Variants in UXS1 observed in about 807,000 individuals in gnomAD.
UXS1 encodes the protein UDP-glucuronic acid decarboxylase 1.
In UXS1, 33 loss-of-function variants were observed where a neutral mutation model predicts 62.6. The observed-to-expected ratio is 0.53, with a 90% CI of 0.40 to 0.70. The LOEUF is 0.70. Ranked by LOEUF, UXS1 falls within the 30% of genes least tolerant of loss-of-function variation. The probability of loss-of-function intolerance (pLI) is 0.00; values close to 1 mark genes in which losing one functional copy is unlikely to be tolerated. For missense variants in UXS1, 434 were observed against 556.3 expected (o/e 0.78, Z 2.21); for synonymous variants, 213 against 206.8 (o/e 1.03, Z -0.26).
At chr2:106,190,399 C>G (rs1684841664) in intron 1 of UXS1, among the ~76,000 whole-genome samples, 1 of 152,104 alleles carries the variant, frequency 6.6e-6, no homozygotes, top group Non-Finnish European at 1.5e-5. Context: ...ATCAGGAAGC[C>G]AGGTGATTCA....
chr2:106,174,894 C>T (rs1350172933), intron 1 of UXS1, among the ~76,000 whole-genome samples: 1 of 152,244 alleles, frequency 6.6e-6, no homozygotes, highest in Non-Finnish European at 1.5e-5. Flanking sequence ...AGTTAGGCCT[C>T]AGTCCAAGGC....
chr2:106,170,879 T>C (rs975082937), intron 1 of UXS1, among the ~76,000 whole-genome samples: 4 of 152,258 alleles, frequency 2.6e-5, no homozygotes, highest in African/African-American at 9.6e-5. Flanking sequence ...TGACCCACCT[T>C]ACGGTGCTTC....
chr2:106,098,044 T>C (rs1558670135), intron 13 of UXS1, among the ~76,000 whole-genome samples: 1 of 152,234 alleles, frequency 6.6e-6, no homozygotes, highest in Non-Finnish European at 1.5e-5. Context: ...GGACACACTG[T>C]GGCATACTCC....
intron 5 of UXS1, among the ~76,000 whole-genome samples, chr2:106,154,780 A>C (rs1682303466): frequency 6.6e-6 from 1 of 152,226 alleles, no homozygotes; most frequent in African/African-American, 2.4e-5. Flanking sequence ...AGTATGATTA[A>C]CTGCTGGCTC....
intron 6 of UXS1, among the ~76,000 whole-genome samples, chr2:106,143,939 T>C (rs750240809): frequency 6.6e-6 from 1 of 152,232 alleles, no homozygotes; most frequent in Non-Finnish European, 1.5e-5. Context: ...TGACGGTTCA[T>C]GTGACTATGT....
At chr2:106,157,030 AC>A (rs1018761646) in intron 5 of UXS1, among the ~76,000 whole-genome samples, 10 of 152,322 alleles carry the variant, frequency 6.6e-5, no homozygotes, top group African/African-American at 2.4e-4. Context: ...TATATAAAAT[AC>A]CCAGAATTGG....
At chr2:106,138,388 C>T (rs192454109) in intron 6 of UXS1, 7 of 985,556 alleles carry the variant, frequency 7.1e-6, no homozygotes, top group Admixed American at 6.1e-5. Context: ...AAGATGCAGG[C>T]CTTTCCCTTC....
intron 7 of UXS1, 52 bp from the exon 8 acceptor site, chr2:106,125,731 C>G: frequency 2.7e-6 from 4 of 1,479,538 alleles, no homozygotes; most frequent in Non-Finnish European, 3.6e-6. Context: ...TGTGCAGGCA[C>G]ATTTTTTGCT....
At chr2:106,146,712 G>A (rs997051719) in intron 5 of UXS1, among the ~76,000 whole-genome samples, 8 of 140,818 alleles carry the variant, frequency 5.7e-5, no homozygotes, top group African/African-American at 1.6e-4. Flanking sequence ...CCCAGGAGGC[G>A]GAAGTTGCAG....
intron 6 of UXS1, among the ~76,000 whole-genome samples, chr2:106,130,284 G>A (rs1192763888): frequency 1.3e-5 from 2 of 152,150 alleles, no homozygotes; most frequent in South Asian, 4.1e-4. Context: ...TTAAAGCCAT[G>A]AATGGCAAAG....
rs541678315 is a variant in UXS1, at chr2:106,129,153, C to T, written c.577+521G>A. 9.2e-5 allele frequency among the ~76,000 whole-genome samples: 14 copies of T among 152,258 alleles called. No homozygotes were observed. The South Asian group carries it at 2.5e-3, about 27-fold the overall frequency. ...TCGTCCATCTTTTACTAATGCGAAC[C>T]CTGAAGTCCAATCTAGGGCAGGTAC... On this transcript the variant is annotated intron_variant, in intron 7 of 14. Coordinates refer to ENST00000283148, the MANE Select transcript of UXS1 (RefSeq NM_001253875.2).
chr2:106,126,676 AT>A (rs1195233053), intron 7 of UXS1, among the ~76,000 whole-genome samples: 1 of 152,168 alleles, frequency 6.6e-6, no homozygotes, highest in Non-Finnish European at 1.5e-5. Context: ...TTTTTGAGAT[AT>A]TTGTACATTC....
chr2:106,099,647 G>A (rs1323801816), intron 12 of UXS1, among the ~76,000 whole-genome samples: 1 of 152,164 alleles, frequency 6.6e-6, no homozygotes, highest in African/African-American at 2.4e-5. Context: ...GAGGGAAGGA[G>A]GAACATGGTA....
Position 106,104,677 on chromosome 2 carries a change from A to G in UXS1, c.923+117T>C. 6 of 1,277,730 alleles carry G rather than the reference A, an allele frequency of 4.7e-6. No individual in the cohort carries two copies. In the Admixed American group the frequency reaches 1.2e-4, roughly 25 times the overall value. 79.1% of individuals were successfully genotyped at this position (1,277,730 alleles called of 1,614,324 possible). On this transcript the variant is annotated intron_variant, in intron 11 of 14. Transcript: ENST00000283148. Reference sequence around the variant, plus strand: ...AAAATTAAAAATTTTTAATCAATATATAGTGTTAGCGTTGTGGAAATGGTT... The same window carrying G: ...AAAATTAAAAATTTTTAATCAATATGTAGTGTTAGCGTTGTGGAAATGGTT...
chr2:106,128,999 G>C (rs915942034), intron 7 of UXS1, among the ~76,000 whole-genome samples: 2 of 151,888 alleles, frequency 1.3e-5, no homozygotes, highest in Non-Finnish European at 2.9e-5. Context: ...GGAGTTTTTT[G>C]AAAAAACTGT....
chr2:106,156,521 A>G (rs962743729), intron 5 of UXS1, among the ~76,000 whole-genome samples: 2 of 152,210 alleles, frequency 1.3e-5, no homozygotes, highest in African/African-American at 4.8e-5. Flanking sequence ...CATATAACAA[A>G]CGTACAGTCA....
At chr2:106,189,703 A>C (rs1348133476) in intron 1 of UXS1, among the ~76,000 whole-genome samples, 2 of 152,256 alleles carry the variant, frequency 1.3e-5, no homozygotes, top group Admixed American at 6.5e-5. Context: ...TACAATCTTC[A>C]GAAAGAGAAG....
At chr2:106,181,952 G>A (rs979341490) in intron 1 of UXS1, among the ~76,000 whole-genome samples, 5 of 152,172 alleles carry the variant, frequency 3.3e-5, no homozygotes, top group Non-Finnish European at 7.4e-5. Context: ...TAATGCAAAA[G>A]GCAAAGGAGA....
intron 6 of UXS1, among the ~76,000 whole-genome samples, chr2:106,139,484 T>C (rs1453784964): frequency 6.6e-6 from 1 of 152,068 alleles, no homozygotes; most frequent in African/African-American, 2.4e-5. Context: ...TAAAGGGTCT[T>C]AGGTTGAATT....
Sources: allele counts gnomAD v4.1 joint callset (sites outside exome capture counted in the v4.1 genomes callset), GRCh38; gene constraint gnomAD v4.1.1; transcripts MANE v1.5; gene names NCBI Gene and HGNC (gene_info 2026-07-23, HGNC 2026-07-21).